The following NLRP1 variants were observed in gnomAD, a reference collection of about 807,000 sequenced individuals.
NLRP1 encodes the protein NACHT, LRR and PYD domains-containing protein 1.
Under a neutral mutation model 136.7 loss-of-function variants are expected in NLRP1, and 94 were observed. That is an observed-to-expected ratio of 0.69 (90% CI 0.58 to 0.82). NLRP1 has a LOEUF of 0.82. NLRP1 is among the 40% of genes least tolerant of loss of function. The pLI is 0.00. For missense variants in NLRP1, 1,575 were observed against 1,802.7 expected (o/e 0.87, Z 2.29); for synonymous variants, 690 against 725.1 (o/e 0.95, Z 0.78).
Position 5,582,730 on chromosome 17 carries a change from G to T in NLRP1, c.388C>A (p.Gln130Lys). 1 of 1,614,154 alleles carries T rather than the reference G, an allele frequency of 6.2e-7. No homozygotes were observed. The highest frequency in any genetic ancestry group is 8.5e-7 in the Non-Finnish European group (1 of 1,180,030). ...WIHELPAGCT[Q>K]GSERRVLRQL... ...CTCAAAACCCTTCTCTCTGAGCCCT[G>T]GGTGCACCCCGCCGGCAATTCATGG... Residue 130 changes from glutamine (Q) to lysine (K), a missense_variant, in exon 2 of 17, where the codon CAG becomes AAG. Coordinates refer to ENST00000572272, the MANE Select transcript of NLRP1 (RefSeq NM_033004.4).
intron 15 of NLRP1, chr17:5,501,966 A>T: frequency 8.9e-7 from 1 of 1,120,490 alleles, no homozygotes; most frequent in Non-Finnish European, 1.4e-6. Context: ...AGCAAATCCA[A>T]CTCAAACTGC....
chr17:5,540,035 T>G (rs7213221), intron 6 of NLRP1, among the ~76,000 whole-genome samples: 1 of 152,132 alleles, frequency 6.6e-6, no homozygotes, highest in Admixed American at 6.5e-5. Flanking sequence ...TAGCAACATA[T>G]CGTTTTCCCA....
chr17:5,578,056 T>C (rs1055244913), intron 3 of NLRP1, among the ~76,000 whole-genome samples: 7 of 152,244 alleles, frequency 4.6e-5, no homozygotes, highest in African/African-American at 1.7e-4. Flanking sequence ...TGGTTAGCCA[T>C]ATGTAGAAAG....
At position 5,519,085 on chromosome 17, in the gene NLRP1, C is replaced by T. The variant is rs1189850555; in HGVS notation, c.3916-1198G>A. On this transcript the variant is annotated intron_variant, in intron 14 of 16. Transcript: ENST00000572272. The stretch of plus-strand genomic sequence containing the variant: ...TGGCACAATCTTGGCTCACTGCAAC[C>T]TCCGCCTCCCAGGTTCATGCCATTC... Among the ~76,000 whole-genome samples, 4 of 152,062 alleles carry T rather than the reference C, an allele frequency of 2.6e-5. No homozygotes were observed. The East Asian group carries it at 7.8e-4, about 29-fold the overall frequency.
intron 14 of NLRP1, 100 bp from the exon 15 acceptor site, chr17:5,517,987 C>T: frequency 9.3e-7 from 1 of 1,080,410 alleles, no homozygotes; most frequent in South Asian, 1.4e-5. Context: ...CATAAGGACA[C>T]TCTGATGATC....
chr17:5,515,626 A>C (rs1640632399), intron 15 of NLRP1, 109 bp from the exon 16 acceptor site: 10 of 895,740 alleles, frequency 1.1e-5, no homozygotes, highest in Non-Finnish European at 1.8e-5. Flanking sequence ...ATTTAGAAAA[A>C]AGCCACAGAC....
downstream of NLRP1, among the ~76,000 whole-genome samples, chr17:5,511,435 C>T (rs1447858012): frequency 6.0e-5 from 4 of 66,276 alleles, no homozygotes; most frequent in Admixed American, 2.5e-4. Context: ...AGCGAGCCTC[C>T]GTCTAAAAAA....
Position 5,553,500 on chromosome 17 carries a change from T to C in NLRP1, c.2414A>G (p.Lys805Arg), listed in dbSNP as rs773622274. Residue 805 changes from lysine to arginine, a missense_variant, in exon 5 of 17, where the codon AAG (lysine) becomes AGG (arginine). Lys to Arg is a conservative substitution (Grantham distance 26, BLOSUM62 2). Coordinates refer to ENST00000572272, the MANE Select transcript of NLRP1 (RefSeq NM_033004.4). ...CAGCTCCTTCAGGTTTCTGGTGACC[T>C]TGAGGACGGAGAAGAGAATCTGCCA... ...AYWQILFSVL[K>R]VTRNLKELDL... 19 of 1,614,070 alleles carry C rather than the reference T, an allele frequency of 1.2e-5. No homozygotes were observed. The highest frequency in any genetic ancestry group is 2.2e-5 in the East Asian group (1 of 44,896).
Position 5,584,191 on chromosome 17 carries a change from T to C in NLRP1, c.-234A>G. 1.7e-6 allele frequency: 1 copy of C among 573,006 alleles called. No homozygotes were observed. Among genetic ancestry groups the C allele is most frequent in the Non-Finnish European group, 3.1e-6 (1 of 321,642 alleles). 35.5% of individuals were successfully genotyped at this position (573,006 alleles called of 1,614,324 possible). A position where few individuals can be genotyped will look rare whatever the true frequency, so the allele number is the denominator to read the frequency against. ...GGGGCCTGCAAGACACTGGAAGAAGTCAGCTGATAGGGAGGTCCTGGGATG... is the reference window on the plus strand; with the variant it reads ...GGGGCCTGCAAGACACTGGAAGAAGCCAGCTGATAGGGAGGTCCTGGGATG... On this transcript the variant is annotated 5_prime_UTR_variant, in exon 1 of 17. Transcript: ENST00000572272.
At chr17:5,552,103 TTTTTTTTTTTTTA>T (rs1203223258) in intron 5 of NLRP1, among the ~76,000 whole-genome samples, 5 of 106,806 alleles carry the variant, frequency 4.7e-5, no homozygotes, top group Admixed American at 1.1e-4. Context: ...TTTTTTTTTT[TTTTTTTTTTTTTA>T]AATAGAAGTA....
chr17:5,514,343 C>T lies in NLRP1; in HGVS notation c.*411G>A, dbSNP rs1567627996. On this transcript the variant is annotated 3_prime_UTR_variant, in exon 17 of 17. Transcript: ENST00000572272. ...TCTTGTAGATCTTCCTGTACAAAGCCAAGAATCCACGTGGCCTCCCACGCT... is the reference window on the plus strand; with the variant it reads ...TCTTGTAGATCTTCCTGTACAAAGCTAAGAATCCACGTGGCCTCCCACGCT... 1.0e-6 allele frequency: 1 copy of T among 990,658 alleles called. No individual in the cohort carries two copies. Among genetic ancestry groups the T allele is most frequent in the East Asian group, 7.8e-5 (1 of 12,828 alleles). 61.4% of individuals were successfully genotyped at this position (990,658 alleles called of 1,614,324 possible).
intron 15 of NLRP1, among the ~76,000 whole-genome samples, chr17:5,508,849 T>C (rs1274831821): frequency 6.6e-6 from 1 of 152,214 alleles, no homozygotes; most frequent in Non-Finnish European, 1.5e-5. Flanking sequence ...AGAATTTTTG[T>C]ATTGTTTGGA....
At chr17:5,580,044 A>T (rs967768496) in intron 3 of NLRP1, among the ~76,000 whole-genome samples, 1 of 151,682 alleles carries the variant, frequency 6.6e-6, no homozygotes, top group Admixed American at 6.6e-5. Context: ...GACCAGCCTG[A>T]CTAACATGGT....
chr17:5,553,025 C>T (rs923481508), intron 5 of NLRP1, among the ~76,000 whole-genome samples: 3 of 152,226 alleles, frequency 2.0e-5, no homozygotes, highest in African/African-American at 7.2e-5. Context: ...TATCTCAACC[C>T]TTTGCTATCT....
At chr17:5,529,662 G>A (rs79338441) in intron 12 of NLRP1, among the ~76,000 whole-genome samples, 6,026 of 152,018 alleles carry the variant, frequency 0.04, 243 homozygotes, top group Non-Finnish European at 0.05. Flanking sequence ...CACTGCGCCC[G>A]GCCTTGTTTT....
Position 5,541,238 on chromosome 17 carries a change from G to A in NLRP1, c.2699+619C>T, listed in dbSNP as rs573805977. On this transcript the variant is annotated intron_variant, in intron 6 of 16. Coordinates refer to ENST00000572272, the MANE Select transcript of NLRP1 (RefSeq NM_033004.4). The surrounding 1 kb of genome is among the most constrained non-coding windows in gnomAD (Gnocchi z 4.2). ...TTTGTGTAGTTTTAGTAGAGACAAG[G>A]TTTCACCATGTTGGCTAGGCTGGTC... is the stretch of plus-strand genomic sequence containing the variant. Among the ~76,000 whole-genome samples the A allele has an allele frequency of 2.0e-5, 3 of 152,096 alleles. No individual in the cohort carries two copies. Among genetic ancestry groups the A allele is most frequent in the African/African-American group, 4.8e-5 (2 of 41,420 alleles).
chr17:5,541,265 G>A lies in NLRP1; in HGVS notation c.2699+592C>T, dbSNP rs1911832952. ...TTCACCATGTTGGCTAGGCTGGTCT[G>A]GAACTCCTGACCTCAAGTGATCTGC... On this transcript the variant is annotated intron_variant, in intron 6 of 16. Coordinates refer to ENST00000572272, the MANE Select transcript of NLRP1 (RefSeq NM_033004.4). The surrounding 1 kb of genome is among the most constrained non-coding windows in gnomAD (Gnocchi z 4.2). 6.6e-6 allele frequency among the ~76,000 whole-genome samples: 1 copy of A among 152,112 alleles called. No homozygotes were observed. Among genetic ancestry groups the A allele is most frequent in the Non-Finnish European group, 1.5e-5 (1 of 68,000 alleles).
intron 4 of NLRP1, among the ~76,000 whole-genome samples, chr17:5,554,481 A>G (rs536894216): frequency 1.3e-5 from 2 of 152,172 alleles, no homozygotes; most frequent in South Asian, 2.1e-4. Flanking sequence ...CAAGTCCCCA[A>G]CCTGAATTCA....
intron 5 of NLRP1, among the ~76,000 whole-genome samples, chr17:5,549,993 T>G (rs1913133589): frequency 6.6e-6 from 1 of 152,258 alleles, no homozygotes; most frequent in African/African-American, 2.4e-5. Flanking sequence ...CATCTTGCAT[T>G]ACATTGATCA....
Sources: gnomAD v4.1 joint callset for allele counts (sites outside exome capture counted in the v4.1 genomes callset) on GRCh38, gnomAD v4.1.1 for gene constraint, Gnocchi (gnomAD v3.1) non-coding constraint, MANE v1.5 for transcripts, NCBI Gene and HGNC (gene_info 2026-07-23, HGNC 2026-07-21) for gene names.